The following ACAP2 variants were observed in gnomAD, a reference collection of about 807,000 sequenced individuals.
ACAP2 encodes ArfGAP with coiled-coil, ankyrin repeat and PH domains 2, also known as arf-GAP with coiled-coil, ANK repeat and PH domain-containing protein 2.
A neutral mutation model predicts 115.8 loss-of-function variants in ACAP2; 39 were observed. The ratio of observed to expected loss-of-function variants is 0.34; its 90% confidence interval spans 0.26 to 0.44. The LOEUF is 0.44. ACAP2 is among the 20% of genes least tolerant of loss of function. ACAP2 has a pLI of 1.00. For missense variants in ACAP2, 662 were observed against 927.6 expected (o/e 0.71, Z 3.72); for synonymous variants, 289 against 315.8 (o/e 0.92, Z 0.90).
At chr3:195,349,632 A>G (rs1304909323) in intron 4 of ACAP2, 1 of 160,476 alleles carries the variant, frequency 6.2e-6, no homozygotes, top group African/African-American at 2.4e-5. Flanking sequence ...ACAATCTTTC[A>G]TGCTCTTCTT....
At position 195,301,580 on chromosome 3, in the gene ACAP2, A is replaced by G. The variant is rs1009979335; in HGVS notation, c.1390T>C (p.Leu464=). 10 of 1,607,646 alleles carry G rather than the reference A, an allele frequency of 6.2e-6. No homozygotes were observed. Among genetic ancestry groups the G allele is most frequent in the Admixed American group, 3.4e-5 (2 of 58,474 alleles). The part of the protein sequence containing the change: ...LTLDTWEPEL[L]KLMCELGNDV... Reference sequence around the variant, plus strand: ...AAAGCAAAAATTTTTTTTACCTTTAAAAGTTCTGGCTCCCAGGTGTCTAAA... The same window carrying G: ...AAAGCAAAAATTTTTTTTACCTTTAGAAGTTCTGGCTCCCAGGTGTCTAAA... The change falls in exon 15 of 23, where the codon TTA becomes CTA. Residue 464 remains leucine (L), a synonymous_variant. Transcript: ENST00000326793.
chr3:195,297,147 A>C (rs1428676140), intron 16 of ACAP2, 43 bp downstream of exon 16: 1 of 1,511,228 alleles, frequency 6.6e-7, no homozygotes, highest in Non-Finnish European at 9.2e-7. Context: ...ATAAAATCAT[A>C]GCTATATTCC....
intron 4 of ACAP2, among the ~76,000 whole-genome samples, chr3:195,366,988 A>G (rs1732766788): frequency 6.6e-6 from 1 of 151,558 alleles, no homozygotes. Context: ...GTAGCCATAG[A>G]CAATACAGAA....
intron 17 of ACAP2, 88 bp downstream of exon 17, chr3:195,295,620 A>C (rs1216986009): frequency 1.2e-5 from 17 of 1,441,900 alleles, no homozygotes; most frequent in Non-Finnish European, 1.5e-5. Context: ...ACATTAAAAA[A>C]AACGACAATG....
chr3:195,282,901 T>C (rs1402392700), intron 22 of ACAP2, among the ~76,000 whole-genome samples: 1 of 152,196 alleles, frequency 6.6e-6, no homozygotes, highest in African/African-American at 2.4e-5. Context: ...ACAGCAGTTA[T>C]GATGATTCAA....
intron 10 of ACAP2, among the ~76,000 whole-genome samples, chr3:195,309,453 G>GA (rs1728619587): frequency 6.6e-6 from 1 of 152,068 alleles, no homozygotes; most frequent in Admixed American, 6.5e-5. Flanking sequence ...GGCTGAGGCA[G>GA]GAGAACCACT....
chr3:195,381,222 G>A (rs1238444607), intron 3 of ACAP2, among the ~76,000 whole-genome samples, 160 bp from the exon 4 acceptor site: 2 of 152,100 alleles, frequency 1.3e-5, no homozygotes, highest in Admixed American at 1.3e-4. Context: ...GGTACACTCT[G>A]CAGAGGTCAC....
chr3:195,415,745 C>T (rs1203872401), intron 1 of ACAP2, among the ~76,000 whole-genome samples: 2 of 151,424 alleles, frequency 1.3e-5, no homozygotes, highest in East Asian at 1.9e-4. Flanking sequence ...TTTGTATGTG[C>T]AAAAGATAAA....
At chr3:195,284,075 C>T (rs1726684851) in intron 22 of ACAP2, among the ~76,000 whole-genome samples, 1 of 152,162 alleles carries the variant, frequency 6.6e-6, no homozygotes. Context: ...TCCTTTCAAG[C>T]TTCCCAACTC....
At chr3:195,356,151 A>G (rs547470096) in intron 4 of ACAP2, 47 of 456,642 alleles carry the variant, frequency 1.0e-4, no homozygotes, top group Non-Finnish European at 1.5e-4. Flanking sequence ...ATGCGCTCGT[A>G]GCAACCACAG....
At chr3:195,331,835 A>G (rs1241407942) in intron 8 of ACAP2, among the ~76,000 whole-genome samples, 2 of 152,164 alleles carry the variant, frequency 1.3e-5, no homozygotes, top group Non-Finnish European at 2.9e-5. Context: ...GTATATGTAT[A>G]GAACTATTAC....
intron 1 of ACAP2, among the ~76,000 whole-genome samples, chr3:195,400,491 G>A (rs1712193057): frequency 1.3e-5 from 2 of 149,718 alleles, no homozygotes; most frequent in African/African-American, 5.0e-5. Context: ...CAGATATGAA[G>A]TTATTCTTTT....
chr3:195,301,734 A>G, intron 14 of ACAP2, 90 bp from the exon 15 acceptor site: 1 of 1,298,298 alleles, frequency 7.7e-7, no homozygotes, highest in Non-Finnish European at 1.1e-6. Context: ...GGCTCTAATA[A>G]AGCCCTCGGC....
At chr3:195,359,032 T>C (rs1200137589) in intron 4 of ACAP2, among the ~76,000 whole-genome samples, 1 of 152,120 alleles carries the variant, frequency 6.6e-6, no homozygotes, top group Non-Finnish European at 1.5e-5. Flanking sequence ...GCATGACATA[T>C]TTAAAGTGCT....
At chr3:195,362,009 A>G (rs1285915814) in intron 4 of ACAP2, among the ~76,000 whole-genome samples, 7 of 152,140 alleles carry the variant, frequency 4.6e-5, no homozygotes, top group Admixed American at 3.9e-4. Context: ...ACAAGACCAA[A>G]GCTCAAATAA....
intron 4 of ACAP2, among the ~76,000 whole-genome samples, chr3:195,355,126 G>A (rs1731867936): frequency 6.6e-6 from 1 of 152,096 alleles, no homozygotes; most frequent in Non-Finnish European, 1.5e-5. Context: ...GATTACAGGT[G>A]TGAGCCACTG....
chr3:195,289,159 G>T lies in ACAP2; in HGVS notation c.2136C>A (p.Ser712Arg), dbSNP rs1727066396. The change falls in exon 21 of 23, where the codon AGC (serine) becomes AGA (arginine). Residue 712 changes from serine (S) to arginine (R), a missense_variant. Physicochemically the swap from Ser to Arg is moderately radical, Grantham distance 110. Around this residue, in one of 3 missense-constraint regions of ACAP2, gnomAD observed 128 missense variants for 200.2 expected, o/e 0.64. Transcript: ENST00000326793. Reference sequence around the variant, plus strand: ...CAGCATTGGCTGCTTCCACAGCTATGCTCAAAGGGTCTTTCCCTTCTTCAT... The same window carrying T: ...CAGCATTGGCTGCTTCCACAGCTATTCTCAAAGGGTCTTTCCCTTCTTCAT... ...ATDEEGKDPL[S>R]IAVEAANADI... 6.2e-7 allele frequency: 1 copy of T among 1,613,364 alleles called. No homozygotes were observed. The highest frequency in any genetic ancestry group is 1.3e-5 in the African/African-American group (1 of 74,872).
intron 1 of ACAP2, among the ~76,000 whole-genome samples, chr3:195,428,992 T>C: frequency 6.6e-6 from 1 of 152,306 alleles, no homozygotes; most frequent in East Asian, 1.9e-4. Context: ...CGTAACAACT[T>C]TATTCACAAT....
intron 4 of ACAP2, among the ~76,000 whole-genome samples, chr3:195,373,911 ACT>A (rs1340917663): frequency 3.9e-5 from 6 of 152,008 alleles, no homozygotes; most frequent in Non-Finnish European, 7.4e-5. Flanking sequence ...ACAGAGCAAG[ACT>A]CTGTCTCAAA....
Sources: allele counts gnomAD v4.1 joint callset (sites outside exome capture counted in the v4.1 genomes callset), GRCh38; gene constraint gnomAD v4.1.1; regional missense constraint gnomAD v4.1.1; transcripts MANE v1.5; gene names NCBI Gene and HGNC (gene_info 2026-07-23, HGNC 2026-07-21).